The following WDR91 variants were observed in gnomAD, a reference collection of about 807,000 sequenced individuals.
WDR91 encodes WD repeat-containing protein 91.
A neutral mutation model predicts 88.4 loss-of-function variants in WDR91; 52 were observed. The observed-to-expected ratio is 0.59, with a 90% CI of 0.47 to 0.74. WDR91 has a LOEUF of 0.74. WDR91 is among the 30% of genes least tolerant of loss of function. WDR91 has a pLI of 0.00. For synonymous variants in WDR91, 362 were observed against 389.5 expected (o/e 0.93, Z 0.83); for missense variants, 824 against 954.5 (o/e 0.86, Z 1.80).
intron 1 of WDR91, 62 bp downstream of exon 1, chr7:135,211,318 G>A (rs1832009853): frequency 2.6e-6 from 4 of 1,552,956 alleles, no homozygotes; most frequent in Admixed American, 3.8e-5. Context: ...GTGCTGGGGG[G>A]AAGCCCGCTC....
chr7:135,192,566 C>G (rs1831209790), intron 11 of WDR91, among the ~76,000 whole-genome samples: 1 of 152,180 alleles, frequency 6.6e-6, no homozygotes, highest in Admixed American at 6.5e-5. Flanking sequence ...GAACACAGAC[C>G]ACTTCTACAG....
Position 135,198,994 on chromosome 7 carries a change from T to A in WDR91, c.892-843A>T, listed in dbSNP as rs764188336. 3.3e-5 allele frequency: 5 copies of A among 152,302 alleles called. No homozygotes were observed. In the South Asian group the frequency reaches 8.3e-4, roughly 25 times the overall value. The allele number at this position is 152,302 out of a possible 1,614,324, so 9.4% of individuals were successfully genotyped here. A position where few individuals can be genotyped will look rare whatever the true frequency, so the allele number is the denominator to read the frequency against. Reference sequence around the variant, plus strand: ...TGGCCAAACACCCTCACCCTCATTTTTTACACTCTTAGCAAAGAGATATGA... The same window carrying A: ...TGGCCAAACACCCTCACCCTCATTTATTACACTCTTAGCAAAGAGATATGA... On this transcript the variant is annotated intron_variant, in intron 6 of 14. Transcript: ENST00000354475.
chr7:135,189,768 T>G (rs1037395435), intron 11 of WDR91, among the ~76,000 whole-genome samples: 7 of 152,224 alleles, frequency 4.6e-5, no homozygotes, highest in Non-Finnish European at 1.0e-4. Flanking sequence ...AAGCAAATTC[T>G]CATTGAAAAG....
intron 14 of WDR91, 82 bp from the exon 15 acceptor site, chr7:135,186,397 G>A: frequency 2.1e-6 from 3 of 1,459,574 alleles, no homozygotes; most frequent in Non-Finnish European, 2.8e-6. Flanking sequence ...GCCTACCTGA[G>A]GATGTGCCTG....
At chr7:135,205,171 T>C (rs1831719249) in intron 5 of WDR91, among the ~76,000 whole-genome samples, 1 of 152,218 alleles carries the variant, frequency 6.6e-6, no homozygotes, top group African/African-American at 2.4e-5. Flanking sequence ...GAAGGTCAAA[T>C]ACCTCTCTCT....
rs190355612 is a variant in WDR91, at chr7:135,203,326, C to T, written c.891+942G>A. 3.3e-5 allele frequency among the ~76,000 whole-genome samples: 5 copies of T among 152,298 alleles called. No homozygotes were observed. In the East Asian group the frequency reaches 5.8e-4, roughly 18 times the overall value. ...GTGCCACTTGCAACTGGTCTCACAC[C>T]GAGGCTGGTAGGAGAAGAAGCCACA... On this transcript the variant is annotated intron_variant, in intron 6 of 14. Transcript: ENST00000354475.
intron 12 of WDR91, 25 bp downstream of exon 12, chr7:135,189,319 G>T: frequency 6.3e-7 from 1 of 1,597,308 alleles, no homozygotes; most frequent in Non-Finnish European, 8.5e-7. Flanking sequence ...GGAGATCAAG[G>T]ATTGCTATGA....
Position 135,193,226 on chromosome 7 carries a change from C to A in WDR91, c.1659+5G>T. Reference sequence around the variant, plus strand: ...CCCAGAGAGAGCCACAGGGCAGGCCCGTACCTGCTGCTTCATGGTTTTCGT... The same window carrying A: ...CCCAGAGAGAGCCACAGGGCAGGCCAGTACCTGCTGCTTCATGGTTTTCGT... On this transcript the variant is annotated splice_donor_5th_base_variant and intron_variant, in intron 11 of 14. Transcript: ENST00000354475. 6.2e-7 allele frequency: 1 copy of A among 1,613,316 alleles called. No individual in the cohort carries two copies. The highest frequency in any genetic ancestry group is 2.2e-5 in the East Asian group (1 of 44,886).
At chr7:135,186,894 T>C (rs747607407) in intron 14 of WDR91, 78 bp downstream of exon 14, 7 of 1,561,768 alleles carry the variant, frequency 4.5e-6, no homozygotes, top group Non-Finnish European at 6.2e-6. Context: ...CCTCGCTCAG[T>C]AGCCATGGCC....
intron 4 of WDR91, among the ~76,000 whole-genome samples, chr7:135,206,424 AAC>A (rs200540842): frequency 0.35 from 9,878 of 28,154 alleles, 1,054 homozygotes; most frequent in African/African-American, 0.41. Context: ...AAAAAAAAAA[AAC>A]CTGTTAATGA....
intron 6 of WDR91, chr7:135,198,902 A>G (rs1467300687): frequency 6.6e-6 from 1 of 152,116 alleles, no homozygotes; most frequent in East Asian, 1.9e-4. Context: ...AGGAGCTGCC[A>G]CCCCCACATC....
intron 13 of WDR91, among the ~76,000 whole-genome samples, chr7:135,188,005 C>T (rs1831017085): frequency 6.6e-6 from 1 of 152,114 alleles, no homozygotes; most frequent in South Asian, 2.1e-4. Context: ...GGGAATCTAC[C>T]AGGGGCATGT....
At position 135,191,871 on chromosome 7, in the gene WDR91, C is replaced by T. The variant is rs1235836228; in HGVS notation, c.1659+1360G>A. On this transcript the variant is annotated intron_variant, in intron 11 of 14. Coordinates refer to ENST00000354475, the MANE Select transcript of WDR91 (RefSeq NM_014149.4). ...AAAATCACAAGTAAACATATAATTA[C>T]AAATTGTAATAAGAACTTTGGAGGA... Among the ~76,000 whole-genome samples, 3 of 152,030 alleles carry T rather than the reference C, an allele frequency of 2.0e-5. No individual in the cohort carries two copies. In the East Asian group the frequency reaches 5.8e-4, roughly 29 times the overall value.
chr7:135,197,655 C>G (rs1024918756), intron 7 of WDR91: 2 of 185,530 alleles, frequency 1.1e-5, no homozygotes, highest in Non-Finnish European at 2.2e-5. Flanking sequence ...TCTCCAGGAG[C>G]CCACCACAGG....
intron 4 of WDR91, 131 bp from the exon 5 acceptor site, chr7:135,206,189 C>T: frequency 1.8e-6 from 2 of 1,111,256 alleles, no homozygotes; most frequent in East Asian, 2.4e-5. Context: ...AGGGGCCCAT[C>T]TCACTCTGCT....
chr7:135,200,943 A>G (rs1335033986), intron 6 of WDR91, among the ~76,000 whole-genome samples: 1 of 152,222 alleles, frequency 6.6e-6, no homozygotes, highest in Non-Finnish European at 1.5e-5. Flanking sequence ...AAAGCTACCC[A>G]GAAAACACGC....
At position 135,209,711 on chromosome 7, in the gene WDR91, A is replaced by AT; in HGVS notation, c.167dup (p.Tyr56Ter). ...AATAATCCCGAAGGGCAGCCAAGTC[A>AT]TACACCTGCATTAACTGCTGCAGCT... ...VDQLQQLMQV[Y>*]DLAALRDYWS... is the part of the protein sequence containing the mutation. Residue 56 changes from tyrosine to a stop codon, truncating the protein, a stop_gained and frameshift_variant, in exon 2 of 15, where the codon TAT becomes TAAT. Transcript: ENST00000354475. LOFTEE classifies it high-confidence loss of function. 2 of 1,611,660 alleles carry AT rather than the reference A, an allele frequency of 1.2e-6. No homozygotes were observed. The highest frequency in any genetic ancestry group is 1.7e-6 in the Non-Finnish European group (2 of 1,179,214).
At chr7:135,192,276 C>T (rs76910229) in intron 11 of WDR91, among the ~76,000 whole-genome samples, 3,951 of 152,150 alleles carry the variant, frequency 0.026, 163 homozygotes, top group African/African-American at 0.09. Flanking sequence ...CACCACCACA[C>T]CTGGCTAATT....
chr7:135,202,342 T>C (rs1317469767), intron 6 of WDR91: 2 of 152,230 alleles, frequency 1.3e-5, no homozygotes, highest in African/African-American at 4.8e-5. Flanking sequence ...CTAAATCATC[T>C]ACCATTAATA....
Sources: allele counts gnomAD v4.1 joint callset (sites outside exome capture counted in the v4.1 genomes callset), GRCh38; gene constraint gnomAD v4.1.1; transcripts MANE v1.5; gene names NCBI Gene and HGNC (gene_info 2026-07-23, HGNC 2026-07-21).